The following PIK3CA variants were observed in gnomAD, a reference collection of about 807,000 sequenced individuals.
PIK3CA encodes the protein phosphatidylinositol-4,5-bisphosphate 3-kinase catalytic subunit alpha, also known as phosphatidylinositol 4,5-bisphosphate 3-kinase catalytic subunit alpha isoform.
In PIK3CA, 27 loss-of-function variants were observed where a neutral mutation model predicts 138.2. The observed-to-expected ratio is 0.20, with a 90% CI of 0.14 to 0.27. The LOEUF (loss-of-function observed/expected upper bound fraction) is 0.27. Among genes scored for constraint, PIK3CA ranks in the 10% least tolerant of loss-of-function variants. The pLI is 1.00. For missense variants in PIK3CA, 544 were observed against 1,277.4 expected (o/e 0.43, Z 8.75); for synonymous variants, 358 against 413.2 (o/e 0.87, Z 1.62).
At chr3:179,196,850 G>A (rs1202403135) in intron 1 of PIK3CA, among the ~76,000 whole-genome samples, 1 of 152,168 alleles carries the variant, frequency 6.6e-6, no homozygotes, top group Admixed American at 6.5e-5. Context: ...CAGTGGTCCA[G>A]ACAAGAAATA....
intron 9 of PIK3CA, among the ~76,000 whole-genome samples, chr3:179,211,309 C>T (rs1724704048): frequency 1.3e-5 from 2 of 152,152 alleles, no homozygotes; most frequent in Admixed American, 1.3e-4. Context: ...TACTGTACTA[C>T]TGTAATAATT....
chr3:179,182,263 A>G (rs765722422), intron 1 of PIK3CA, among the ~76,000 whole-genome samples: 2 of 152,210 alleles, frequency 1.3e-5, no homozygotes, highest in African/African-American at 2.4e-5. Context: ...TTGTCAGTTG[A>G]TAAGCTTTAT....
At chr3:179,215,568 AG>A (rs1230555756) in intron 9 of PIK3CA, among the ~76,000 whole-genome samples, 1 of 152,106 alleles carries the variant, frequency 6.6e-6, no homozygotes, top group Non-Finnish European at 1.5e-5. Flanking sequence ...AGAATAGCCT[AG>A]AAGGACAATA....
At chr3:179,168,989 TAGAGA>T (rs1288836230) in intron 1 of PIK3CA, 1 of 152,170 alleles carries the variant, frequency 6.6e-6, no homozygotes, top group Non-Finnish European at 1.5e-5. Context: ...TTTTTTTTTC[TAGAGA>T]AGAGAAGGTT....
intron 9 of PIK3CA, among the ~76,000 whole-genome samples, chr3:179,212,363 C>A (rs1397378829): frequency 7.0e-6 from 1 of 142,350 alleles, no homozygotes; most frequent in Non-Finnish European, 1.5e-5. Context: ...GTAATCCTAG[C>A]ATTTTGGGAG....
intron 14 of PIK3CA, among the ~76,000 whole-genome samples, chr3:179,222,698 T>C (rs1724996453): frequency 6.6e-6 from 1 of 152,210 alleles, no homozygotes; most frequent in South Asian, 2.1e-4. Context: ...TCGCTGCTGC[T>C]ACCCAGCATC....
intron 4 of PIK3CA, among the ~76,000 whole-genome samples, chr3:179,203,054 C>T (rs1724458472): frequency 6.6e-6 from 1 of 150,554 alleles, no homozygotes; most frequent in Non-Finnish European, 1.5e-5. Flanking sequence ...CATTCTCCTG[C>T]CTCAGCCTCC....
intron 1 of PIK3CA, among the ~76,000 whole-genome samples, chr3:179,165,407 T>G (rs1306175655): frequency 6.6e-6 from 1 of 152,126 alleles, no homozygotes; most frequent in Non-Finnish European, 1.5e-5. Flanking sequence ...ATTTTAATTT[T>G]TTGAAACAAG....
At chr3:179,221,272 G>A in intron 14 of PIK3CA, 115 bp downstream of exon 14, 1 of 683,496 alleles carries the variant, frequency 1.5e-6, no homozygotes. Flanking sequence ...TTAGGATTTG[G>A]AACCAAGTTC....
At chr3:179,176,531 T>G (rs1288181122) in intron 1 of PIK3CA, among the ~76,000 whole-genome samples, 1 of 151,868 alleles carries the variant, frequency 6.6e-6, no homozygotes, top group Non-Finnish European at 1.5e-5. Flanking sequence ...AGGTCTGTAC[T>G]CTGATATTTT....
chr3:179,157,279 A>C (rs1343049243), intron 1 of PIK3CA, among the ~76,000 whole-genome samples: 1 of 152,194 alleles, frequency 6.6e-6, no homozygotes, highest in Admixed American at 6.5e-5. Flanking sequence ...GCAGCATCTT[A>C]TGGTATTTAT....
intron 4 of PIK3CA, among the ~76,000 whole-genome samples, chr3:179,202,345 C>T (rs1034434212): frequency 1.3e-5 from 2 of 152,344 alleles, no homozygotes; most frequent in East Asian, 3.9e-4. Context: ...GCTGGGATTA[C>T]AGGCGTGAGC....
At chr3:179,160,828 T>TGCTAAATATTTGTCAAATCATTA (rs1576913818) in intron 1 of PIK3CA, among the ~76,000 whole-genome samples, 1 of 152,244 alleles carries the variant, frequency 6.6e-6, no homozygotes, top group East Asian at 1.9e-4. Flanking sequence ...TGTACAATCA[T>TGCTAAATATTTGTCAAATCATTA]AGACTCTGTT....
chr3:179,182,224 CTTATG>C (rs1723865458), intron 1 of PIK3CA, among the ~76,000 whole-genome samples: 1 of 152,088 alleles, frequency 6.6e-6, no homozygotes, highest in Non-Finnish European at 1.5e-5. Flanking sequence ...CTTTTAATGA[CTTATG>C]TTAAATAGCC....
chr3:179,209,026 GTATAT>G lies in PIK3CA; in HGVS notation c.1146-563_1146-559del, dbSNP rs962525083. On this transcript the variant is annotated intron_variant, in intron 6 of 20. Coordinates refer to ENST00000263967, the MANE Select transcript of PIK3CA (RefSeq NM_006218.4). ...AATATATATTTATATTATGTATATA[GTATAT>G]TATATAATATATATTATAAATATAA... 1.5e-4 allele frequency among the ~76,000 whole-genome samples: 21 copies of G among 141,306 alleles called. 1 individual carries two copies. The highest frequency in any genetic ancestry group is 9.9e-4 in the Admixed American group (14 of 14,114). The allele number at this position is 141,306 out of a possible 152,430, so 92.7% of individuals were successfully genotyped here.
At position 179,234,483 on chromosome 3, in the gene PIK3CA, A is replaced by T. The variant is rs2108430570; in HGVS notation, c.*119A>T. 1.4e-6 allele frequency: 1 copy of T among 701,454 alleles called. No individual in the cohort carries two copies. Among genetic ancestry groups the T allele is most frequent in the Admixed American group, 2.8e-5 (1 of 35,370 alleles). 43.5% of individuals were successfully genotyped at this position (701,454 alleles called of 1,614,324 possible). A position where few individuals can be genotyped will look rare whatever the true frequency, so the allele number is the denominator to read the frequency against. ...CAATCCATGAACAGCATTAGAATTT[A>T]CAGCAAGAACAGAAATAAAATACTA... is the stretch of plus-strand genomic sequence containing the variant. On this transcript the variant is annotated 3_prime_UTR_variant, in exon 21 of 21. Transcript: ENST00000263967. The surrounding 1 kb of genome is among the most constrained non-coding windows in gnomAD (Gnocchi z 5.1).
chr3:179,155,883 C>G (rs902464931), intron 1 of PIK3CA, among the ~76,000 whole-genome samples: 2 of 152,142 alleles, frequency 1.3e-5, no homozygotes, highest in Non-Finnish European at 2.9e-5. Context: ...AAAAAAAATT[C>G]GATCACGAAT....
At chr3:179,224,872 T>G in intron 16 of PIK3CA, 51 bp downstream of exon 16, 1 of 1,332,508 alleles carries the variant, frequency 7.5e-7, no homozygotes, top group Non-Finnish European at 1.1e-6. Context: ...GCTATCTTTT[T>G]ATACACAGGA....
chr3:179,206,590 T>C (rs1467442814), intron 6 of PIK3CA, among the ~76,000 whole-genome samples: 1 of 152,204 alleles, frequency 6.6e-6, no homozygotes, highest in East Asian at 1.9e-4. Context: ...CCTAGCTAGC[T>C]GTTTCAAGTA....
Sources: allele counts gnomAD v4.1 joint callset (sites outside exome capture counted in the v4.1 genomes callset), GRCh38; gene constraint gnomAD v4.1.1; non-coding constraint Gnocchi (gnomAD v3.1); transcripts MANE v1.5; gene names NCBI Gene and HGNC (gene_info 2026-07-23, HGNC 2026-07-21).